C21orf58: variants seen among roughly 807,000 people sequenced by gnomAD.
C21orf58 encodes the protein uncharacterized protein C21orf58.
In C21orf58, 34 loss-of-function variants were observed where a neutral mutation model predicts 35.8. The observed-to-expected ratio is 0.95, with a 90% CI of 0.72 to 1.26. The LOEUF (loss-of-function observed/expected upper bound fraction) is 1.26, where lower values mean the gene tolerates loss of function less well. Ranked by LOEUF, C21orf58 falls within the 50% of genes most tolerant of loss-of-function variation. The probability of loss-of-function intolerance (pLI) is 0.00; values close to 1 mark genes in which losing one functional copy is unlikely to be tolerated. For synonymous variants in C21orf58, 191 were observed against 175.8 expected (o/e 1.09, Z -0.68); for missense variants, 440 against 414.3 (o/e 1.06, Z -0.54).
intron 5 of C21orf58, among the ~76,000 whole-genome samples, chr21:46,313,760 C>T (rs2082846092): frequency 6.6e-6 from 1 of 152,194 alleles, no homozygotes; most frequent in African/African-American, 2.4e-5. Flanking sequence ...GGAGGCTCCC[C>T]TTCCCTCTGT....
intron 6 of C21orf58, among the ~76,000 whole-genome samples, chr21:46,303,520 A>T (rs1388501972): frequency 6.6e-6 from 1 of 151,178 alleles, no homozygotes. Flanking sequence ...AAAATGGGCA[A>T]ATTACTTAAA....
At chr21:46,306,260 G>A (rs769653963) in intron 6 of C21orf58, among the ~76,000 whole-genome samples, 6 of 152,156 alleles carry the variant, frequency 3.9e-5, no homozygotes, top group African/African-American at 7.2e-5. Flanking sequence ...TGTAATCCCA[G>A]CACTTTGGGA....
intron 1 of C21orf58, chr21:46,318,730 C>T: frequency 1.0e-6 from 1 of 1,002,264 alleles, no homozygotes; most frequent in Non-Finnish European, 1.2e-6. Context: ...TTGTGACCTG[C>T]AGAGGGGCTG....
chr21:46,315,002 G>T lies in C21orf58; in HGVS notation c.445-122C>A, dbSNP rs1601693003. 3.2e-6 allele frequency: 5 copies of T among 1,549,528 alleles called. No individual in the cohort carries two copies. In the East Asian group the frequency reaches 1.2e-4, roughly 38 times the overall value. On this transcript the variant is annotated intron_variant, in intron 4 of 7. Coordinates refer to ENST00000291691, the MANE Select transcript of C21orf58 (RefSeq NM_058180.5). The stretch of plus-strand genomic sequence containing the variant: ...TACAGGCGCCTCTCCGGGCAGGATG[G>T]CCATGACTGGAAGACCCTTCCAGGG...
At chr21:46,322,202 C>T (rs2083184852) in intron 1 of C21orf58, among the ~76,000 whole-genome samples, 1 of 151,990 alleles carries the variant, frequency 6.6e-6, no homozygotes, top group South Asian at 2.1e-4. Context: ...TGGAGAATCA[C>T]CTGAGCCCGG....
Position 46,318,105 on chromosome 21 carries a change from G to C in C21orf58, c.216C>G (p.Pro72=). 2.5e-6 allele frequency: 4 copies of C among 1,613,222 alleles called. No homozygotes were observed. The highest frequency in any genetic ancestry group is 1.7e-6 in the Non-Finnish European group (2 of 1,179,972). Residue 72 remains proline, a synonymous_variant, in exon 2 of 8, where the codon CCC becomes CCG. Coordinates refer to ENST00000291691, the MANE Select transcript of C21orf58 (RefSeq NM_058180.5). ...RTREGGGLWP[P]LPLQSSPAAP... ...CTGCAGGAGACGACTGTAGGGGCAG[G>C]GGAGGCCACAGCCCACCTCCCTCCC...
At position 46,311,406 on chromosome 21, in the gene C21orf58, T is replaced by C; in HGVS notation, c.721+50A>G. The C allele has an allele frequency of 1.8e-6, 2 of 1,114,768 alleles. 1 individual carries two copies. The highest frequency in any genetic ancestry group is 3.3e-5 in the South Asian group (2 of 60,300). The allele number at this position is 1,114,768 out of a possible 1,614,324, so 69.1% of individuals were successfully genotyped here. A position where few individuals can be genotyped will look rare whatever the true frequency, so the allele number is the denominator to read the frequency against. On this transcript the variant is annotated intron_variant, in intron 6 of 7. Coordinates refer to ENST00000291691, the MANE Select transcript of C21orf58 (RefSeq NM_058180.5). ...CCTGCTTCCAGGAACATTTTCCCTT[T>C]CAGTAGATAATTTCCTCAACCCACA...
Position 46,302,134 on chromosome 21 carries a change from C to A in C21orf58, c.834G>T (p.Pro278=), listed in dbSNP as rs779024288. 1.3e-6 allele frequency: 2 copies of A among 1,508,778 alleles called. No homozygotes were observed. The highest frequency in any genetic ancestry group is 1.8e-6 in the Non-Finnish European group (2 of 1,127,786). The allele number at this position is 1,508,778 out of a possible 1,614,324, so 93.5% of individuals were successfully genotyped here. A position where few individuals can be genotyped will look rare whatever the true frequency, so the allele number is the denominator to read the frequency against. ...TTGGCCTGGCAGCTCGTGGGACCCT[C>A]GGGGGCACATGTGGCGGGTCCTGCC... ...PALQDPPHVP[P]RVPRAARPRL... The change falls in exon 8 of 8, where the codon CCG becomes CCT. Residue 278 remains proline, a synonymous_variant. Transcript: ENST00000291691.
chr21:46,305,843 G>A (rs1053971844), intron 6 of C21orf58, among the ~76,000 whole-genome samples: 1 of 152,132 alleles, frequency 6.6e-6, no homozygotes, highest in Non-Finnish European at 1.5e-5. Context: ...TCGGAAGGCT[G>A]AGGCAGGAGA....
At position 46,315,273 on chromosome 21, in the gene C21orf58, G is replaced by A. The variant is rs959125600; in HGVS notation, c.444+201C>T. ...CAGAATTTCAGGTCCTCCTGGAATT[G>A]GGCCCTTACTCAACATTTCCAGTCC... On this transcript the variant is annotated intron_variant, in intron 4 of 7. Coordinates refer to ENST00000291691, the MANE Select transcript of C21orf58 (RefSeq NM_058180.5). The A allele has an allele frequency of 1.3e-5, 8 of 594,114 alleles. No individual in the cohort carries two copies. The African/African-American group carries it at 1.5e-4, about 11-fold the overall frequency. The allele number at this position is 594,114 out of a possible 1,614,324, so 36.8% of individuals were successfully genotyped here.
At chr21:46,300,799 T>C (rs1475849065), downstream of C21orf58, 2 of 1,288,138 alleles carry the variant, frequency 1.6e-6, no homozygotes, top group Non-Finnish European at 2.0e-6. Context: ...TCTGTCCTAA[T>C]AGGGGGTGAA....
Position 46,301,812 on chromosome 21 carries a change from T to C in C21orf58, c.*187A>G. 3 of 1,256,990 alleles carry C rather than the reference T, an allele frequency of 2.4e-6. No individual in the cohort carries two copies. Among genetic ancestry groups the C allele is most frequent in the Non-Finnish European group, 3.0e-6 (3 of 1,002,560 alleles). 77.9% of individuals were successfully genotyped at this position (1,256,990 alleles called of 1,614,324 possible). ...CCGGAGCAAGGGATGCCCCCTGGAA[T>C]GGCCCCGTGACCAGAAAGCGAGCCT... On this transcript the variant is annotated 3_prime_UTR_variant, in exon 8 of 8. Transcript: ENST00000291691.
chr21:46,311,690 TCCAACCAA>T, intron 5 of C21orf58, 123 bp from the exon 6 acceptor site: 2 of 475,580 alleles, frequency 4.2e-6, no homozygotes, highest in Admixed American at 3.5e-5. Flanking sequence ...CACCCATCCA[TCCAACCAA>T]CCAACCAACC....
intron 6 of C21orf58, among the ~76,000 whole-genome samples, chr21:46,311,160 G>A (rs554513347): frequency 1.3e-5 from 2 of 152,186 alleles, no homozygotes; most frequent in East Asian, 1.9e-4. Context: ...GTGAGCCACC[G>A]AGCCGGGCCC....
intron 5 of C21orf58, chr21:46,313,053 G>T: frequency 1.0e-6 from 1 of 985,426 alleles, no homozygotes; most frequent in Non-Finnish European, 1.2e-6. Flanking sequence ...TCACAGAAAG[G>T]ACGGCAGAGA....
chr21:46,302,462 G>C (rs1601623910), intron 7 of C21orf58, 23 bp downstream of exon 7: 1 of 1,567,470 alleles, frequency 6.4e-7, no homozygotes, highest in African/African-American at 1.4e-5. Context: ...TTGGCCTAGG[G>C]TTCTGCTGGG....
At chr21:46,303,055 T>C (rs1020686471) in intron 6 of C21orf58, among the ~76,000 whole-genome samples, 2 of 152,076 alleles carry the variant, frequency 1.3e-5, no homozygotes, top group African/African-American at 2.4e-5. Context: ...TCCCAGCTCC[T>C]TGGGAGGCTG....
chr21:46,301,966 G>T lies in C21orf58; in HGVS notation c.*33C>A. On this transcript the variant is annotated 3_prime_UTR_variant, in exon 8 of 8. Coordinates refer to ENST00000291691, the MANE Select transcript of C21orf58 (RefSeq NM_058180.5). Reference sequence around the variant, plus strand: ...AGCCCTGAGGAAGCCTGGGGGTGGAGGGTGCCCCGGCCAGGGTCTCTGTGA... The same window carrying T: ...AGCCCTGAGGAAGCCTGGGGGTGGATGGTGCCCCGGCCAGGGTCTCTGTGA... 6.7e-7 allele frequency: 1 copy of T among 1,484,966 alleles called. No individual in the cohort carries two copies. 92.0% of individuals were successfully genotyped at this position (1,484,966 alleles called of 1,614,324 possible).
Position 46,301,773 on chromosome 21 carries a change from T to C in C21orf58, c.*226A>G. 8.1e-7 allele frequency: 1 copy of C among 1,232,212 alleles called. No individual in the cohort carries two copies. Among genetic ancestry groups the C allele is most frequent in the Non-Finnish European group, 1.0e-6 (1 of 988,022 alleles). 76.3% of individuals were successfully genotyped at this position (1,232,212 alleles called of 1,614,324 possible). Reference sequence around the variant, plus strand: ...TGCCCTGGTGGGGTTCACAGGCCCCTCACTGCAGGGGACCCGGAGCAAGGG... The same window carrying C: ...TGCCCTGGTGGGGTTCACAGGCCCCCCACTGCAGGGGACCCGGAGCAAGGG... On this transcript the variant is annotated 3_prime_UTR_variant, in exon 8 of 8. Coordinates refer to ENST00000291691, the MANE Select transcript of C21orf58 (RefSeq NM_058180.5).
Sources: gnomAD v4.1 joint callset for allele counts (sites outside exome capture counted in the v4.1 genomes callset) on GRCh38, gnomAD v4.1.1 for gene constraint, MANE v1.5 for transcripts, NCBI Gene and HGNC (gene_info 2026-07-23, HGNC 2026-07-21) for gene names.